Variants in SYNPR observed in about 807,000 individuals in gnomAD.
The protein encoded by SYNPR is synaptoporin.
In SYNPR, 23 loss-of-function variants were observed where a neutral mutation model predicts 32.9. The observed-to-expected ratio is 0.70, with a 90% confidence interval of 0.50 to 0.99. The LOEUF (loss-of-function observed/expected upper bound fraction) is 0.99. Among genes scored for constraint, SYNPR ranks in the 50% least tolerant of loss-of-function variants. The pLI is 0.00. For synonymous variants in SYNPR, 146 were observed against 135.9 expected (o/e 1.07, Z -0.52); for missense variants, 318 against 349.3 (o/e 0.91, Z 0.71).
intron 4 of SYNPR, among the ~76,000 whole-genome samples, chr3:63,581,818 C>T (rs550790293): frequency 1.5e-3 from 223 of 152,120 alleles, no homozygotes; most frequent in Non-Finnish European, 2.1e-3. Context: ...AAACTCATCT[C>T]CCCTCATGTA....
intron 3 of SYNPR, among the ~76,000 whole-genome samples, chr3:63,520,935 T>G (rs202051570): frequency 6.0e-5 from 1 of 16,584 alleles, no homozygotes; most frequent in Non-Finnish European, 8.7e-5. Context: ...CCCCGTTTTT[T>G]GTAAGGCCAA....
intron 2 of SYNPR, among the ~76,000 whole-genome samples, chr3:63,311,597 C>T (rs1029821783): frequency 1.3e-5 from 2 of 151,914 alleles, no homozygotes; most frequent in African/African-American, 2.4e-5. Flanking sequence ...GCCAACACCC[C>T]GTCCATGGAA....
At chr3:63,202,090 T>C in the SYNPR span, among the ~76,000 whole-genome samples, 1 of 152,188 alleles carries the variant, frequency 6.6e-6, no homozygotes, top group Admixed American at 6.5e-5. Flanking sequence ...GGGCCTGGGA[T>C]TGAACACCTC....
chr3:63,264,359 A>T (rs181649267), intron 2 of SYNPR, among the ~76,000 whole-genome samples: 8 of 152,198 alleles, frequency 5.3e-5, no homozygotes, highest in Admixed American at 4.6e-4. Flanking sequence ...TAAGCGAAAC[A>T]ATAATATACC....
chr3:63,294,997 T>C (rs150563264), intron 2 of SYNPR, among the ~76,000 whole-genome samples: 66 of 152,298 alleles, frequency 4.3e-4, no homozygotes, highest in African/African-American at 1.5e-3. Flanking sequence ...TAGAGTGTTA[T>C]TGCACCATCT....
chr3:63,391,741 T>TA lies in SYNPR; in HGVS notation c.85-89090dup, dbSNP rs978951799. Among the ~76,000 whole-genome samples the TA allele has an allele frequency of 4.7e-4, 72 of 152,296 alleles. 1 individual carries two copies. The highest frequency in any genetic ancestry group is 1.7e-3 in the African/African-American group (71 of 41,568). ...AGGAAGATTTTGCTGGCTATGATCA[T>TA]ATAGGAAGATAGTGGCAGACTGAGA... On this transcript the variant is annotated intron_variant, in intron 2 of 5. Transcript: ENST00000478300.
At chr3:63,261,056 C>T (rs6808149) in intron 2 of SYNPR, among the ~76,000 whole-genome samples, 11,768 of 151,924 alleles carry the variant, frequency 0.077, 1,313 homozygotes, top group African/African-American at 0.25. Flanking sequence ...CATTAAAAAG[C>T]CAGGAAACAA....
chr3:63,572,431 T>G (rs1490945231), intron 4 of SYNPR, among the ~76,000 whole-genome samples: 1 of 152,166 alleles, frequency 6.6e-6, no homozygotes. Flanking sequence ...CTGCTGACTC[T>G]GAGTAAGGCA....
the SYNPR span, among the ~76,000 whole-genome samples, chr3:63,211,005 C>T: frequency 6.6e-6 from 1 of 152,214 alleles, no homozygotes; most frequent in Non-Finnish European, 1.5e-5. Context: ...TTAGCCTCTT[C>T]TCCAGATTCT....
At chr3:63,437,287 T>C (rs868661065) in intron 2 of SYNPR, among the ~76,000 whole-genome samples, 1 of 152,198 alleles carries the variant, frequency 6.6e-6, no homozygotes, top group Non-Finnish European at 1.5e-5. Context: ...ATCCTTATTA[T>C]TGTTAGATGT....
intron 2 of SYNPR, among the ~76,000 whole-genome samples, chr3:63,461,836 G>T (rs1398492125): frequency 1.3e-5 from 2 of 151,948 alleles, no homozygotes; most frequent in African/African-American, 4.8e-5. Context: ...CATCTTGCAG[G>T]TATGTTGGGA....
the SYNPR span, among the ~76,000 whole-genome samples, chr3:63,218,992 A>G: frequency 6.6e-6 from 1 of 152,238 alleles, no homozygotes; most frequent in Admixed American, 6.5e-5. Flanking sequence ...CTCTTACAGC[A>G]GTTCTTGCTT....
intron 4 of SYNPR, among the ~76,000 whole-genome samples, chr3:63,605,362 C>T (rs1312114496): frequency 6.6e-6 from 1 of 152,196 alleles, no homozygotes; most frequent in South Asian, 2.1e-4. Context: ...TGCCCTTCTA[C>T]ACGATGGCCC....
At chr3:63,582,118 T>C (rs965299817) in intron 4 of SYNPR, among the ~76,000 whole-genome samples, 7 of 147,964 alleles carry the variant, frequency 4.7e-5, no homozygotes, top group Admixed American at 4.0e-4. Context: ...GGCTTTGGTT[T>C]GTGCTCTGGA....
At chr3:63,567,880 T>C (rs1284539077) in intron 4 of SYNPR, among the ~76,000 whole-genome samples, 1 of 152,220 alleles carries the variant, frequency 6.6e-6, no homozygotes, top group Non-Finnish European at 1.5e-5. Context: ...CACGTTGTTC[T>C]CAAATATCTA....
chr3:63,447,103 A>G (rs923834917), intron 2 of SYNPR, among the ~76,000 whole-genome samples: 3 of 152,144 alleles, frequency 2.0e-5, no homozygotes, highest in Non-Finnish European at 4.4e-5. Context: ...ATTCAAATCA[A>G]TTTGCTTTTT....
intron 2 of SYNPR, among the ~76,000 whole-genome samples, chr3:63,282,504 T>C (rs945970667): frequency 6.6e-6 from 1 of 151,940 alleles, no homozygotes; most frequent in African/African-American, 2.4e-5. Flanking sequence ...AAAAATAATG[T>C]GAGATTGTAA....
At chr3:63,302,620 TA>T (rs1271735343) in intron 2 of SYNPR, among the ~76,000 whole-genome samples, 1 of 152,054 alleles carries the variant, frequency 6.6e-6, no homozygotes, top group Non-Finnish European at 1.5e-5. Context: ...TTAAAATTTT[TA>T]CATATTTATT....
intron 1 of SYNPR, among the ~76,000 whole-genome samples, chr3:63,232,238 G>A (rs1200166268): frequency 1.3e-5 from 1 of 79,246 alleles, no homozygotes; most frequent in Non-Finnish European, 2.2e-5. Flanking sequence ...GTCTTGTTCT[G>A]TTGTCCAGGC....
Sources: allele counts gnomAD v4.1 joint callset (sites outside exome capture counted in the v4.1 genomes callset), GRCh38; gene constraint gnomAD v4.1.1; transcripts MANE v1.5; gene names NCBI Gene and HGNC (gene_info 2026-07-23, HGNC 2026-07-21).